BORA: variants seen among roughly 807,000 people sequenced by gnomAD.
BORA encodes protein aurora borealis.
A neutral mutation model predicts 55.8 loss-of-function variants in BORA; 26 were observed. The observed-to-expected ratio is 0.47, with a 90% CI of 0.34 to 0.65. BORA has a LOEUF of 0.65. Among genes scored for constraint, BORA ranks in the 30% least tolerant of loss-of-function variants. The probability of loss-of-function intolerance (pLI) is 0.01; values close to 1 mark genes in which losing one functional copy is unlikely to be tolerated. For missense variants in BORA, 568 were observed against 671.5 expected, an observed-to-expected ratio of 0.85 and a Z score of 1.70; for synonymous variants, 201 against 216.9, an observed-to-expected ratio of 0.93 and a Z score of 0.64.
chr13:72,742,753 GAT>G (rs1221248624), intron 5 of BORA, among the ~76,000 whole-genome samples: 308 of 140,640 alleles, frequency 2.2e-3, no homozygotes, highest in African/African-American at 8.0e-3. Flanking sequence ...TTTAAAATGT[GAT>G]ATATATATAT....
In BORA at chr13:72,735,018, G is replaced by T. The variant is rs755407256; in HGVS notation, c.306+13G>T. The T allele has an allele frequency of 6.3e-7, 1 of 1,577,362 alleles. No homozygotes were observed. Among genetic ancestry groups the T allele is most frequent in the Non-Finnish European group, 8.7e-7 (1 of 1,147,590 alleles). Reference sequence around the variant, plus strand: ...AGCCATTGAAGAGGTAACTTAAACTGTTACTGATCATTAAATCAGTTAAGG... The same window carrying T: ...AGCCATTGAAGAGGTAACTTAAACTTTTACTGATCATTAAATCAGTTAAGG... On this transcript the variant is annotated intron_variant, in intron 4 of 11. Coordinates refer to ENST00000390667, the MANE Select transcript of BORA (RefSeq NM_024808.5).
intron 7 of BORA, 93 bp from the exon 8 acceptor site, chr13:72,744,886 CAT>C (rs2033109544): frequency 1.6e-5 from 19 of 1,153,382 alleles, no homozygotes; most frequent in South Asian, 2.9e-5. Flanking sequence ...AAAATTCAAA[CAT>C]AGTGCATGCT....
chr13:72,728,270 CTG>C (rs2032729841), intron 1 of BORA: 2 of 683,352 alleles, frequency 2.9e-6, no homozygotes, highest in Non-Finnish European at 2.7e-6. Context: ...GGTGTAGCCT[CTG>C]TAGCCTCCTT....
chr13:72,737,183 T>G (rs1425569453), intron 4 of BORA, among the ~76,000 whole-genome samples: 4 of 152,206 alleles, frequency 2.6e-5, no homozygotes, highest in Non-Finnish European at 4.4e-5. Flanking sequence ...TTGAATATAC[T>G]GGCCAGTAGT....
intron 10 of BORA, chr13:72,752,321 C>A (rs565395861): frequency 6.6e-6 from 1 of 152,114 alleles, no homozygotes; most frequent in Non-Finnish European, 1.5e-5. Context: ...TGGGGGATAA[C>A]AAGGTATCTG....
rs372027676 is a variant in BORA at position 72,728,901 on chromosome 13, A to T, written c.-15-25A>T. 1.2e-4 allele frequency: 184 copies of T among 1,535,954 alleles called. No homozygotes were observed. In the African/African-American group the frequency reaches 2.3e-3, roughly 19 times the overall value. Reference sequence around the variant, plus strand: ...ATCTATGGGACTTTGTAATTTTAACATGCATACTCTTGATTTCTTTTTAGT... The same window carrying T: ...ATCTATGGGACTTTGTAATTTTAACTTGCATACTCTTGATTTCTTTTTAGT... On this transcript the variant is annotated intron_variant, in intron 1 of 11. Transcript: ENST00000390667.
intron 6 of BORA, 24 bp downstream of exon 6, chr13:72,743,626 A>AG (rs949762729): frequency 3.2e-6 from 5 of 1,572,676 alleles, no homozygotes; most frequent in Non-Finnish European, 4.4e-6. Context: ...CAATTTGAAA[A>AG]GAAGGATGTT....
intron 5 of BORA, among the ~76,000 whole-genome samples, chr13:72,738,360 C>T (rs1019491105): frequency 2.6e-5 from 4 of 152,046 alleles, no homozygotes; most frequent in African/African-American, 9.7e-5. Flanking sequence ...ATGACTTTAG[C>T]AGTATTTTGA....
chr13:72,742,680 C>T (rs1358946695), intron 5 of BORA, among the ~76,000 whole-genome samples: 7 of 151,178 alleles, frequency 4.6e-5, no homozygotes, highest in Non-Finnish European at 1.0e-4. Context: ...ATTGCTGCAT[C>T]GTTAATCACA....
intron 9 of BORA, among the ~76,000 whole-genome samples, 175 bp from the exon 10 acceptor site, chr13:72,746,325 AT>A (rs2138090369): frequency 6.6e-6 from 1 of 152,362 alleles, no homozygotes; most frequent in Non-Finnish European, 1.5e-5. Flanking sequence ...ATCAAAGGAA[AT>A]TTAGCAATTT....
At chr13:72,732,520 C>T (rs945341516) in intron 3 of BORA, among the ~76,000 whole-genome samples, 2 of 151,878 alleles carry the variant, frequency 1.3e-5, no homozygotes, top group African/African-American at 4.8e-5. Context: ...ACTAAACATA[C>T]AAAAACATTA....
intron 11 of BORA, 151 bp from the exon 12 acceptor site, chr13:72,755,000 G>T: frequency 1.6e-6 from 1 of 607,242 alleles, no homozygotes; most frequent in Non-Finnish European, 2.8e-6. Context: ...TTTTGATGCA[G>T]AATATTGATT....
At chr13:72,745,542 C>T (rs2033123365) in intron 8 of BORA, among the ~76,000 whole-genome samples, 1 of 152,168 alleles carries the variant, frequency 6.6e-6, no homozygotes, top group Non-Finnish European at 1.5e-5. Context: ...TTAGGTCAGA[C>T]TCTTCAATTT....
At chr13:72,751,866 G>A (rs1457941559) in intron 10 of BORA, among the ~76,000 whole-genome samples, 1 of 152,128 alleles carries the variant, frequency 6.6e-6, no homozygotes, top group Non-Finnish European at 1.5e-5. Context: ...TTGTGTGTCA[G>A]TTTAAAATAA....
At chr13:72,750,168 C>G (rs759504109) in intron 10 of BORA, among the ~76,000 whole-genome samples, 4 of 152,096 alleles carry the variant, frequency 2.6e-5, no homozygotes, top group Non-Finnish European at 2.9e-5. Flanking sequence ...TGAAAAGAAC[C>G]AGCCAAAGAG....
intron 5 of BORA, among the ~76,000 whole-genome samples, chr13:72,742,967 A>C (rs2033066477): frequency 6.6e-6 from 1 of 152,056 alleles, no homozygotes; most frequent in Admixed American, 6.6e-5. Context: ...AAAAAGTCAG[A>C]CTCTTAGAAG....
rs2033136350 is a variant in BORA at position 72,746,168 on chromosome 13, C to T, written c.871+92C>T. 3 of 1,184,228 alleles carry T rather than the reference C, an allele frequency of 2.5e-6. No individual in the cohort carries two copies. The Admixed American group carries it at 6.9e-5, about 27-fold the overall frequency. The allele number at this position is 1,184,228 out of a possible 1,614,324, so 73.4% of individuals were successfully genotyped here. ...CTTTTAATTTGTCTTAATGATAGAGCTCAAAATGATCACTAACCTTCTAAC... is the reference window on the plus strand; with the variant it reads ...CTTTTAATTTGTCTTAATGATAGAGTTCAAAATGATCACTAACCTTCTAAC... On this transcript the variant is annotated intron_variant, in intron 9 of 11. Coordinates refer to ENST00000390667, the MANE Select transcript of BORA (RefSeq NM_024808.5).
chr13:72,747,127 T>C lies in BORA; in HGVS notation c.1482+16T>C. 1 of 1,609,354 alleles carries C rather than the reference T, an allele frequency of 6.2e-7. No homozygotes were observed. The highest frequency in any genetic ancestry group is 2.2e-5 in the East Asian group (1 of 44,870). On this transcript the variant is annotated intron_variant, in intron 10 of 11. Coordinates refer to ENST00000390667, the MANE Select transcript of BORA (RefSeq NM_024808.5). ...TAACATTCAGGTAAGGTATTTAATA[T>C]TCTATAGCCCCTTCCTCACTGCCTT...
Position 72,731,298 on chromosome 13 carries a change from A to T in BORA, c.171A>T (p.Arg57Ser). 1 of 1,609,718 alleles carries T rather than the reference A, an allele frequency of 6.2e-7. No individual in the cohort carries two copies. Among genetic ancestry groups the T allele is most frequent in the Non-Finnish European group, 8.5e-7 (1 of 1,177,428 alleles). ...TTGTTAAGACTCCAGGGAAATTTAG[A>T]TGGTCTATTGATCAACTAGCTGTAA... ...STKLPTPGKFRWSIDQLAVIN... is the reference protein window; with the variant it reads ...STKLPTPGKFSWSIDQLAVIN... Residue 57 changes from arginine to serine, a missense_variant, in exon 3 of 12, where the codon AGA becomes AGT. By Grantham distance (110) the Arg-to-Ser change is moderately radical. Transcript: ENST00000390667.
Sources: gnomAD v4.1 joint callset for allele counts (sites outside exome capture counted in the v4.1 genomes callset) on GRCh38, gnomAD v4.1.1 for gene constraint, MANE v1.5 for transcripts, NCBI Gene and HGNC (gene_info 2026-07-23, HGNC 2026-07-21) for gene names.